SLC6A5: variants seen among roughly 807,000 people sequenced by gnomAD.
SLC6A5 encodes sodium- and chloride-dependent glycine transporter 2.
In SLC6A5, 58 loss-of-function variants were observed where a neutral mutation model predicts 90.5. That is an observed-to-expected ratio of 0.64 (90% CI 0.52 to 0.80). SLC6A5 has a LOEUF of 0.80. SLC6A5 is among the 30% of genes least tolerant of loss of function. The pLI, the probability that SLC6A5 is intolerant of heterozygous loss-of-function variation, is 0.00. For synonymous variants in SLC6A5, 427 were observed against 401.4 expected, an observed-to-expected ratio of 1.06 and a Z score of -0.76; for missense variants, 1,015 against 1,017.6, an observed-to-expected ratio of 1.00 and a Z score of 0.03.
Position 20,604,425 on chromosome 11 carries a change from G to T in SLC6A5, c.679+1G>T, listed in dbSNP as rs1590154255. On this transcript the variant is annotated splice_donor_variant, in intron 3 of 15. Transcript: ENST00000525748. LOFTEE classifies it high-confidence loss of function. ...TACCTGGCCTTCCAGAACGGGGGAGGTATGGCTTTTCCGCTCTTTCCGCCT... is the reference window on the plus strand; with the variant it reads ...TACCTGGCCTTCCAGAACGGGGGAGTTATGGCTTTTCCGCTCTTTCCGCCT... The T allele has an allele frequency of 6.2e-7, 1 of 1,613,088 alleles. No individual in the cohort carries two copies. Among genetic ancestry groups the T allele is most frequent in the Non-Finnish European group, 8.5e-7 (1 of 1,179,504 alleles).
intron 6 of SLC6A5, among the ~76,000 whole-genome samples, chr11:20,615,638 A>G (rs1463076079): frequency 6.6e-6 from 1 of 152,212 alleles, no homozygotes; most frequent in East Asian, 1.9e-4. Flanking sequence ...AAGTGCTGGG[A>G]TTACAGGCGT....
chr11:20,654,441 G>T (rs1853601965), intron 15 of SLC6A5, among the ~76,000 whole-genome samples: 1 of 152,274 alleles, frequency 6.6e-6, no homozygotes, highest in Non-Finnish European at 1.5e-5. Flanking sequence ...TATTAATCTT[G>T]TGCAAGGCAA....
chr11:20,630,148 T>C (rs1853080740), intron 9 of SLC6A5, among the ~76,000 whole-genome samples: 1 of 152,234 alleles, frequency 6.6e-6, no homozygotes, highest in Admixed American at 6.5e-5. Context: ...TATTGCTCAC[T>C]GCTCTAGGGG....
At chr11:20,636,253 G>A in intron 10 of SLC6A5, 54 bp from the exon 11 acceptor site, 2 of 1,091,948 alleles carry the variant, frequency 1.8e-6, no homozygotes, top group East Asian at 2.4e-5. Flanking sequence ...TGGGCTCTGG[G>A]AAGAGCAGCC....
intron 14 of SLC6A5, among the ~76,000 whole-genome samples, chr11:20,648,365 T>C (rs557485076): frequency 6.6e-6 from 1 of 152,316 alleles, no homozygotes; most frequent in South Asian, 2.1e-4. Flanking sequence ...AATTTCTTTC[T>C]GAAAAGCTAG....
chr11:20,655,123 C>T lies in SLC6A5; in HGVS notation c.*255C>T, dbSNP rs1025690397. On this transcript the variant is annotated 3_prime_UTR_variant, in exon 16 of 16. Transcript: ENST00000525748. ...TGGTCAGGTTGGTCCCCTGACCACA[C>T]GTTTTACCCTGCAGAGGAGGATCAG... The T allele has an allele frequency of 1.8e-5, 9 of 494,666 alleles. No homozygotes were observed. The highest frequency in any genetic ancestry group is 5.8e-5 in the African/African-American group (3 of 51,526). 30.6% of individuals were successfully genotyped at this position (494,666 alleles called of 1,614,324 possible). A position where few individuals can be genotyped will look rare whatever the true frequency, so the allele number is the denominator to read the frequency against.
chr11:20,629,445 G>A (rs921406241), intron 9 of SLC6A5, among the ~76,000 whole-genome samples: 1 of 152,110 alleles, frequency 6.6e-6, no homozygotes, highest in African/African-American at 2.4e-5. Flanking sequence ...TGTTCAGATT[G>A]TCTAACAAAA....
At chr11:20,637,341 A>G in intron 12 of SLC6A5, 38 bp downstream of exon 12, 22 of 815,758 alleles carry the variant, frequency 2.7e-5, no homozygotes, top group Non-Finnish European at 3.9e-5. Flanking sequence ...GGGTGGGGGC[A>G]GGAGGGTGGG....
At chr11:20,631,925 A>T (rs1197643396) in intron 10 of SLC6A5, among the ~76,000 whole-genome samples, 1 of 152,120 alleles carries the variant, frequency 6.6e-6, no homozygotes, top group East Asian at 1.9e-4. Context: ...ATTCATGCTG[A>T]TGGTGCACCA....
chr11:20,615,514 C>T (rs189960348), intron 6 of SLC6A5, among the ~76,000 whole-genome samples: 50 of 152,210 alleles, frequency 3.3e-4, no homozygotes, highest in East Asian at 1.7e-3. Flanking sequence ...ACTACAGGCG[C>T]GTGCCACCAT....
Position 20,655,541 on chromosome 11 carries a change from C to T in SLC6A5, c.*673C>T, listed in dbSNP as rs1853627065. 6.5e-6 allele frequency: 1 copy of T among 152,812 alleles called. No homozygotes were observed. The highest frequency in any genetic ancestry group is 1.9e-4 in the East Asian group (1 of 5,190). 9.5% of individuals were successfully genotyped at this position (152,812 alleles called of 1,614,324 possible). Reference sequence around the variant, plus strand: ...CTTTGATTGAACTGTCAGTTTTCTTCCCTCAACTGTCTTTTTTTGTTTTAA... The same window carrying T: ...CTTTGATTGAACTGTCAGTTTTCTTTCCTCAACTGTCTTTTTTTGTTTTAA... On this transcript the variant is annotated 3_prime_UTR_variant, in exon 16 of 16. Transcript: ENST00000525748.
Position 20,630,754 on chromosome 11 carries a change from C to G in SLC6A5, c.1563C>G (p.Phe521Leu). 6.2e-7 allele frequency: 1 copy of G among 1,614,230 alleles called. No individual in the cohort carries two copies. The highest frequency in any genetic ancestry group is 8.5e-7 in the Non-Finnish European group (1 of 1,180,026). Residue 521 changes from phenylalanine to leucine, a missense_variant, in exon 10 of 16, where the codon TTC becomes TTG. Physicochemically the swap from Phe to Leu is conservative, Grantham distance 22 (BLOSUM62 0). Around this residue, in one of 3 missense-constraint regions of SLC6A5, gnomAD observed 442 missense variants for 494.3 expected, o/e 0.89. Transcript: ENST00000525748. ...GCATCTTTGCCGGCTTCGTCATCTT[C>G]TCCGTTATCGGCTTCATGGCCAATG... is the stretch of plus-strand genomic sequence containing the variant. ...ATSIFAGFVIFSVIGFMANER... is the reference protein window; with the variant it reads ...ATSIFAGFVILSVIGFMANER...
chr11:20,607,623 A>G lies in SLC6A5; in HGVS notation c.956A>G (p.Glu319Gly), dbSNP rs182204638. 3.7e-6 allele frequency: 6 copies of G among 1,614,186 alleles called. No homozygotes were observed. In the African/African-American group the frequency reaches 5.3e-5, roughly 14 times the overall value. ...GSCNNPWNTP[E>G]CKDKTKLLLD... is the part of the protein sequence containing the mutation. ...TGCAACAACCCTTGGAATACGCCAG[A>G]ATGCAAAGATAAAACCAAACTTTTA... The change falls in exon 5 of 16, where the codon GAA becomes GGA. Residue 319 changes from glutamate to glycine, a missense_variant. Transcript: ENST00000525748.
At chr11:20,651,263 C>T (rs112917318) in intron 14 of SLC6A5, among the ~76,000 whole-genome samples, 2,469 of 132,688 alleles carry the variant, frequency 0.019, 96 homozygotes, top group African/African-American at 0.068. Context: ...TCCTCTCCCC[C>T]ACCCCTCCTA....
chr11:20,601,766 C>A, intron 2 of SLC6A5, 101 bp downstream of exon 2: 1 of 1,288,934 alleles, frequency 7.8e-7, no homozygotes, highest in Non-Finnish European at 1.1e-6. Flanking sequence ...ATGGGGAAAC[C>A]GGTTGGCAGT....
intron 14 of SLC6A5, among the ~76,000 whole-genome samples, chr11:20,650,655 C>CTTTTTTT (rs55849528): frequency 7.5e-5 from 6 of 79,844 alleles, no homozygotes; most frequent in African/African-American, 3.1e-4. Flanking sequence ...GACGCCTGTT[C>CTTTTTTT]TTTTTTTTTT....
intron 7 of SLC6A5, among the ~76,000 whole-genome samples, chr11:20,625,144 T>G (rs984648254): frequency 1.4e-5 from 2 of 143,102 alleles, no homozygotes; most frequent in African/African-American, 2.5e-5. Context: ...TGCCAAATCC[T>G]GGTCCCAAGC....
intron 3 of SLC6A5, 85 bp from the exon 4 acceptor site, chr11:20,606,922 A>T: frequency 1.3e-6 from 2 of 1,561,906 alleles, no homozygotes; most frequent in East Asian, 4.5e-5. Flanking sequence ...TTTGAGAGGG[A>T]GCTCAGCCCC....
At chr11:20,603,364 T>C (rs186454471) in intron 2 of SLC6A5, among the ~76,000 whole-genome samples, 1,967 of 152,294 alleles carry the variant, frequency 0.013, 23 homozygotes, top group Non-Finnish European at 0.017. Flanking sequence ...GACCAGGCAC[T>C]GCCCCAAGAA....
Sources: gnomAD v4.1 joint callset for allele counts (sites outside exome capture counted in the v4.1 genomes callset) on GRCh38, gnomAD v4.1.1 for gene constraint, gnomAD v4.1.1 regional missense constraint, MANE v1.5 for transcripts, NCBI Gene and HGNC (gene_info 2026-07-23, HGNC 2026-07-21) for gene names.